Variants in MPHOSPH8 observed in about 807,000 individuals in gnomAD.
MPHOSPH8 encodes M-phase phosphoprotein 8.
In MPHOSPH8, 45 loss-of-function variants were observed where a neutral mutation model predicts 87.3. The observed-to-expected ratio is 0.52, with a 90% CI of 0.41 to 0.66. The LOEUF is 0.66. Among genes scored for constraint, MPHOSPH8 ranks in the 30% least tolerant of loss-of-function variants. The pLI, the probability that MPHOSPH8 is intolerant of heterozygous loss-of-function variation, is 0.00. For missense variants in MPHOSPH8, 883 were observed against 1,020.2 expected (o/e 0.87, Z 1.83); for synonymous variants, 366 against 376.9 (o/e 0.97, Z 0.33).
chr13:19,656,286 A>AAC (rs1363869211), intron 5 of MPHOSPH8, among the ~76,000 whole-genome samples: 2 of 150,862 alleles, frequency 1.3e-5, no homozygotes, highest in Admixed American at 6.6e-5. Flanking sequence ...TCAAAAAAAA[A>AAC]AAAAAAAAAA....
At chr13:19,650,437 A>G (rs1874782727) in intron 5 of MPHOSPH8, 177 bp downstream of exon 5, 1 of 630,252 alleles carries the variant, frequency 1.6e-6, no homozygotes, top group Non-Finnish European at 2.5e-6. Flanking sequence ...TGACTTCTCA[A>G]TGGATCAAAC....
intron 12 of MPHOSPH8, among the ~76,000 whole-genome samples, chr13:19,670,681 T>A (rs908211851): frequency 6.6e-6 from 1 of 152,220 alleles, no homozygotes; most frequent in African/African-American, 2.4e-5. Context: ...ATTATTTCCT[T>A]GGACTGAATT....
At position 19,672,437 on chromosome 13, in the gene MPHOSPH8, C is replaced by G. The variant is rs1195678156; in HGVS notation, c.*562C>G. The G allele has an allele frequency of 6.6e-6, 1 of 151,884 alleles. No individual in the cohort carries two copies. Among genetic ancestry groups the G allele is most frequent in the Non-Finnish European group, 1.5e-5 (1 of 68,328 alleles). 9.4% of individuals were successfully genotyped at this position (151,884 alleles called of 1,614,324 possible). A position where few individuals can be genotyped will look rare whatever the true frequency, so the allele number is the denominator to read the frequency against. On this transcript the variant is annotated 3_prime_UTR_variant, in exon 14 of 14. Transcript: ENST00000361479. ...TGGATTACAGGCATGAGCCACCGCA[C>G]CCAGCAAGAGTTATTTTCTTAACTT...
Position 19,672,731 on chromosome 13 carries a change from A to C in MPHOSPH8, c.*856A>C, listed in dbSNP as rs1876205448. On this transcript the variant is annotated 3_prime_UTR_variant, in exon 14 of 14. Transcript: ENST00000361479. ...TGCTGTAGTCACTTATCATCTTTTCAAAGGGTAACAAGAGAATCTAAGATG... is the reference window on the plus strand; with the variant it reads ...TGCTGTAGTCACTTATCATCTTTTCCAAGGGTAACAAGAGAATCTAAGATG... 6.1e-6 allele frequency: 1 copy of C among 164,678 alleles called. No individual in the cohort carries two copies. The highest frequency in any genetic ancestry group is 5.8e-5 in the Admixed American group (1 of 17,186). The allele number at this position is 164,678 out of a possible 1,614,324, so 10.2% of individuals were successfully genotyped here.
At chr13:19,641,128 C>T (rs539002442) in intron 1 of MPHOSPH8, among the ~76,000 whole-genome samples, 1 of 152,172 alleles carries the variant, frequency 6.6e-6, no homozygotes, top group East Asian at 1.9e-4. Context: ...AAAAACAGAT[C>T]AATAATATAC....
intron 1 of MPHOSPH8, among the ~76,000 whole-genome samples, chr13:19,641,353 C>T (rs573853547): frequency 2.0e-5 from 3 of 146,968 alleles, no homozygotes; most frequent in South Asian, 2.2e-4. Flanking sequence ...GATGGAGTCT[C>T]GCTCTTTTGC....
chr13:19,661,972 C>T (rs1386268021), intron 8 of MPHOSPH8, 134 bp downstream of exon 8: 21 of 1,177,850 alleles, frequency 1.8e-5, no homozygotes, highest in African/African-American at 6.4e-5. Context: ...GACGGAGTCT[C>T]GCTCTGTCGC....
chr13:19,652,532 G>A (rs1874913922), intron 5 of MPHOSPH8, among the ~76,000 whole-genome samples: 1 of 152,146 alleles, frequency 6.6e-6, no homozygotes, highest in Admixed American at 6.5e-5. Context: ...GCTAGCTGCA[G>A]AAGTTTTTTT....
chr13:19,647,544 G>A (rs1281591552), intron 3 of MPHOSPH8, among the ~76,000 whole-genome samples: 1 of 152,202 alleles, frequency 6.6e-6, no homozygotes, highest in Admixed American at 6.5e-5. Flanking sequence ...GTACTCAGAT[G>A]ATATATGGAG....
At chr13:19,657,288 G>A (rs1260019924) in intron 5 of MPHOSPH8, among the ~76,000 whole-genome samples, 1 of 151,948 alleles carries the variant, frequency 6.6e-6, no homozygotes, top group Non-Finnish European at 1.5e-5. Context: ...GGCTGAGGCA[G>A]GCAGATCATT....
Position 19,659,119 on chromosome 13 carries a change from T to G in MPHOSPH8, c.1701T>G (p.Ser567Arg). 1.9e-6 allele frequency: 3 copies of G among 1,613,180 alleles called. No homozygotes were observed. Among genetic ancestry groups the G allele is most frequent in the Non-Finnish European group, 2.5e-6 (3 of 1,179,788 alleles). Reference protein sequence around the residue: ...ENFAATDAIPSNVLRDAVKNG... With the variant: ...ENFAATDAIPRNVLRDAVKNG... ...TTGCTGCAACAGATGCAATTCCAAG[T>G]AGTGAGTAGTTTTGGAAATATTGAA... The change falls in exon 6 of 14, where the codon AGT becomes AGG. Residue 567 changes from serine to arginine, a missense_variant and splice_region_variant. Physicochemically the swap from Ser to Arg is moderately radical, Grantham distance 110 (BLOSUM62 -1). Around this residue, in one of 3 missense-constraint regions of MPHOSPH8, gnomAD observed 741 missense variants for 841.5 expected, o/e 0.88. Transcript: ENST00000361479.
intron 9 of MPHOSPH8, among the ~76,000 whole-genome samples, chr13:19,663,833 T>G (rs1430538362): frequency 1.3e-5 from 2 of 152,102 alleles, no homozygotes; most frequent in Non-Finnish European, 2.9e-5. Context: ...TGTAAGCCAT[T>G]GAGCCAAGCG....
Position 19,670,308 on chromosome 13 carries a change from C to A in MPHOSPH8, c.2402C>A (p.Pro801Gln). The change falls in exon 12 of 14, where the codon CCG (proline) becomes CAG (glutamine). Residue 801 changes from proline (P) to glutamine (Q), a missense_variant. Coordinates refer to ENST00000361479, the MANE Select transcript of MPHOSPH8 (RefSeq NM_017520.4). ...GAAGTTATTGCTCGGCTCTGTGGAC[C>A]GTGTAGTGTACAAGCTGTAGTTCTG... ...GKEVIARLCG[P>Q]CSVQAVVLND... 6.2e-7 allele frequency: 1 copy of A among 1,614,062 alleles called. No individual in the cohort carries two copies. Among genetic ancestry groups the A allele is most frequent in the Non-Finnish European group, 8.5e-7 (1 of 1,179,924 alleles).
At chr13:19,670,208 G>T in intron 11 of MPHOSPH8, 28 bp from the exon 12 acceptor site, 1 of 1,613,630 alleles carries the variant, frequency 6.2e-7, no homozygotes, top group Non-Finnish European at 8.5e-7. Context: ...TGCCTTTGAA[G>T]TAATTCACAC....
intron 1 of MPHOSPH8, among the ~76,000 whole-genome samples, chr13:19,637,413 T>C (rs1188749141): frequency 6.6e-6 from 1 of 152,216 alleles, no homozygotes; most frequent in Non-Finnish European, 1.5e-5. Flanking sequence ...TTATCTTTTT[T>C]CTGTTTATGT....
rs1402022403 is a variant in MPHOSPH8, at chr13:19,670,809, AAAAT to A, written c.2458-392_2458-389del. The A allele has an allele frequency of 1.6e-5, 19 of 1,214,308 alleles. No homozygotes were observed. In the African/African-American group the frequency reaches 3.0e-4, roughly 19 times the overall value. The allele number at this position is 1,214,308 out of a possible 1,614,324, so 75.2% of individuals were successfully genotyped here. The stretch of plus-strand genomic sequence containing the variant: ...TGTATATTTTTAATAAATCAAGGGA[AAAAT>A]AAATCACTTTTTTTTTTTTTTTGAA... On this transcript the variant is annotated intron_variant, in intron 12 of 13. Coordinates refer to ENST00000361479, the MANE Select transcript of MPHOSPH8 (RefSeq NM_017520.4).
Position 19,672,010 on chromosome 13 carries a change from T to G in MPHOSPH8, c.*135T>G, listed in dbSNP as rs988754668. Reference sequence around the variant, plus strand: ...TCTTGCAGTTAAGCCTGTTGTCTGTTGTAGTCTGTAAGATGCGACATAGCT... The same window carrying G: ...TCTTGCAGTTAAGCCTGTTGTCTGTGGTAGTCTGTAAGATGCGACATAGCT... On this transcript the variant is annotated 3_prime_UTR_variant, in exon 14 of 14. Transcript: ENST00000361479. 1.2e-6 allele frequency: 1 copy of G among 857,706 alleles called. No individual in the cohort carries two copies. The highest frequency in any genetic ancestry group is 2.2e-5 in the Admixed American group (1 of 46,156). The allele number at this position is 857,706 out of a possible 1,614,324, so 53.1% of individuals were successfully genotyped here. A position where few individuals can be genotyped will look rare whatever the true frequency, so the allele number is the denominator to read the frequency against.
rs776830454 is a variant in MPHOSPH8 at position 19,650,133 on chromosome 13, C to T, written c.1449C>T (p.Thr483=). The change falls in exon 5 of 14, where the codon ACC becomes ACT. Residue 483 remains threonine, a synonymous_variant. Coordinates refer to ENST00000361479, the MANE Select transcript of MPHOSPH8 (RefSeq NM_017520.4). ...TTAAAACCATAGACGATCACAAAAC[C>T]AAGGAAAACAAACAGTCACTTAAAG... The part of the protein sequence containing the change: ...LDFKTIDDHK[T]KENKQSLKER... The T allele has an allele frequency of 6.2e-7, 1 of 1,613,924 alleles. No homozygotes were observed. The highest frequency in any genetic ancestry group is 1.1e-5 in the South Asian group (1 of 91,078).
intron 1 of MPHOSPH8, among the ~76,000 whole-genome samples, chr13:19,635,709 G>A (rs554457887): frequency 6.6e-6 from 1 of 152,290 alleles, no homozygotes; most frequent in Admixed American, 6.5e-5. Flanking sequence ...AGGCTTTAGT[G>A]TTGTGAGTTA....
Sources: allele counts gnomAD v4.1 joint callset (sites outside exome capture counted in the v4.1 genomes callset), GRCh38; gene constraint gnomAD v4.1.1; regional missense constraint gnomAD v4.1.1; transcripts MANE v1.5; gene names NCBI Gene and HGNC (gene_info 2026-07-23, HGNC 2026-07-21).